Variants in STAC observed in about 807,000 individuals in gnomAD.
STAC encodes the protein SH3 and cysteine rich domain, also known as SH3 and cysteine-rich domain-containing protein.
In STAC, 43 loss-of-function variants were observed where a neutral mutation model predicts 48.8. The ratio of observed to expected loss-of-function variants is 0.88; its 90% confidence interval spans 0.69 to 1.14. The LOEUF is 1.14. Among genes scored for constraint, STAC ranks in the 50% most tolerant of loss-of-function variants. The pLI is 0.00. For missense variants in STAC, 497 were observed against 504.0 expected (o/e 0.99, Z 0.13); for synonymous variants, 193 against 179.5 (o/e 1.07, Z -0.60).
At chr3:36,536,895 A>T (rs896612528) in intron 10 of STAC, among the ~76,000 whole-genome samples, 5 of 152,162 alleles carry the variant, frequency 3.3e-5, no homozygotes, top group Admixed American at 6.5e-5. Flanking sequence ...AAGGACAAGA[A>T]CAGACACTTC....
intron 1 of STAC, among the ~76,000 whole-genome samples, chr3:36,394,880 C>T (rs1266613807): frequency 2.4e-5 from 3 of 126,518 alleles, no homozygotes; most frequent in Non-Finnish European, 5.1e-5. Context: ...AAAATTCTGT[C>T]AAAAAAAAAA....
intron 1 of STAC, among the ~76,000 whole-genome samples, chr3:36,430,046 C>T (rs1010352073): frequency 2.0e-5 from 3 of 152,096 alleles, no homozygotes; most frequent in African/African-American, 7.2e-5. Flanking sequence ...TCTTCTAGGC[C>T]AGAACATTGT....
At chr3:36,463,803 T>C (rs1423698320) in intron 2 of STAC, among the ~76,000 whole-genome samples, 1 of 151,916 alleles carries the variant, frequency 6.6e-6, no homozygotes, top group African/African-American at 2.4e-5. Flanking sequence ...CTGAGAATGA[T>C]GGTTTCCAGC....
At chr3:36,381,683 A>G (rs1668590694) in intron 1 of STAC, among the ~76,000 whole-genome samples, 1 of 152,156 alleles carries the variant, frequency 6.6e-6, no homozygotes, top group South Asian at 2.1e-4. Flanking sequence ...CAGATGGGGC[A>G]AGGAAGACTG....
At chr3:36,433,064 T>C (rs1306869554) in intron 1 of STAC, among the ~76,000 whole-genome samples, 1 of 151,940 alleles carries the variant, frequency 6.6e-6, no homozygotes, top group Non-Finnish European at 1.5e-5. Flanking sequence ...GTAGGAAGGG[T>C]GATAACATAT....
intron 1 of STAC, among the ~76,000 whole-genome samples, chr3:36,387,308 T>C (rs2125612868): frequency 6.6e-6 from 1 of 152,174 alleles, no homozygotes; most frequent in African/African-American, 2.4e-5. Context: ...AGGTTTTTCT[T>C]GACTGTGGTA....
At chr3:36,544,583 TC>T (rs1180745063) in intron 10 of STAC, among the ~76,000 whole-genome samples, 2 of 152,192 alleles carry the variant, frequency 1.3e-5, no homozygotes, top group African/African-American at 4.8e-5. Context: ...TGTTTTGTGC[TC>T]CCTTTGTATC....
chr3:36,546,346 A>C lies in STAC; in HGVS notation c.*57A>C. On this transcript the variant is annotated 3_prime_UTR_variant, in exon 11 of 11. Coordinates refer to ENST00000273183, the MANE Select transcript of STAC (RefSeq NM_003149.3). ...AGCTCTGCTGCGATGCCTCTGCCTC[A>C]TCTCACACTGCGTCAACCCAAAGGA... 1 of 1,473,526 alleles carries C rather than the reference A, an allele frequency of 6.8e-7. No individual in the cohort carries two copies. Among genetic ancestry groups the C allele is most frequent in the South Asian group, 1.1e-5 (1 of 88,234 alleles). 91.3% of individuals were successfully genotyped at this position (1,473,526 alleles called of 1,614,324 possible).
chr3:36,478,342 A>G (rs929811076), intron 2 of STAC, among the ~76,000 whole-genome samples: 7 of 152,316 alleles, frequency 4.6e-5, no homozygotes, highest in Non-Finnish European at 8.8e-5. Context: ...ATTTCTTACA[A>G]TCTTAAACAT....
rs10528748 is a variant in STAC at position 36,442,739 on chromosome 3, T to TACAC, written c.112-565_112-562dup. On this transcript the variant is annotated intron_variant, in intron 1 of 10. Coordinates refer to ENST00000273183, the MANE Select transcript of STAC (RefSeq NM_003149.3). ...GGATAATACAATATGTCCTATGTCC[T>TACAC]ACACACACACACACACACACACACA... 3.0e-3 allele frequency among the ~76,000 whole-genome samples: 395 copies of TACAC among 133,450 alleles called. 5 individuals carry two copies. The highest frequency in any genetic ancestry group is 0.015 in the East Asian group (51 of 3,484). 87.5% of individuals were successfully genotyped at this position (133,450 alleles called of 152,430 possible).
intron 1 of STAC, among the ~76,000 whole-genome samples, chr3:36,420,465 A>C (rs1373438614): frequency 6.6e-6 from 1 of 152,204 alleles, no homozygotes; most frequent in Non-Finnish European, 1.5e-5. Context: ...ACACAGCAGG[A>C]GGTGAGTGGC....
chr3:36,513,556 G>T (rs746098360), intron 8 of STAC, among the ~76,000 whole-genome samples: 4 of 152,122 alleles, frequency 2.6e-5, no homozygotes, highest in Non-Finnish European at 5.9e-5. Flanking sequence ...TAACAGTACA[G>T]TGTTCTGGGC....
At chr3:36,473,139 C>G (rs564318155) in intron 2 of STAC, among the ~76,000 whole-genome samples, 3 of 152,286 alleles carry the variant, frequency 2.0e-5, no homozygotes, top group South Asian at 4.1e-4. Context: ...AAAGCAGAAA[C>G]CCCTGATAAA....
rs190052289 is a variant in STAC, at chr3:36,493,608, A to T, written c.766+379A>T. 2.0e-3 allele frequency among the ~76,000 whole-genome samples: 309 copies of T among 152,098 alleles called. 2 individuals carry two copies. The highest frequency in any genetic ancestry group is 3.7e-3 in the Non-Finnish European group (253 of 68,000). Reference sequence around the variant, plus strand: ...ACATTAGCAAACCGTACCACAGAGAAGCTAATTTGTGCTACACCTTAGGTA... The same window carrying T: ...ACATTAGCAAACCGTACCACAGAGATGCTAATTTGTGCTACACCTTAGGTA... On this transcript the variant is annotated intron_variant, in intron 6 of 10. Transcript: ENST00000273183.
intron 6 of STAC, among the ~76,000 whole-genome samples, chr3:36,493,871 C>A (rs1698060766): frequency 6.6e-6 from 1 of 151,784 alleles, no homozygotes; most frequent in Non-Finnish European, 1.5e-5. Context: ...CCACCTCTGG[C>A]CGGGCGCGGT....
In STAC at chr3:36,380,525, G is replaced by C; in HGVS notation, c.-119G>C. 1 of 738,680 alleles carries C rather than the reference G, an allele frequency of 1.4e-6. No homozygotes were observed. Among genetic ancestry groups the C allele is most frequent in the Non-Finnish European group, 2.2e-6 (1 of 445,966 alleles). The allele number at this position is 738,680 out of a possible 1,614,324, so 45.8% of individuals were successfully genotyped here. On this transcript the variant is annotated 5_prime_UTR_variant, in exon 1 of 11. Coordinates refer to ENST00000273183, the MANE Select transcript of STAC (RefSeq NM_003149.3). The stretch of plus-strand genomic sequence containing the variant: ...TGGAGGAGGGCACGTCGGCGCCTCG[G>C]CGAGGATGGGAGTCCCCAGGACCCG...
At chr3:36,408,673 T>C (rs901470666) in intron 1 of STAC, among the ~76,000 whole-genome samples, 2 of 152,174 alleles carry the variant, frequency 1.3e-5, no homozygotes, top group African/African-American at 4.8e-5. Flanking sequence ...TTCTGAATAG[T>C]TGCAAACAGG....
intron 2 of STAC, among the ~76,000 whole-genome samples, chr3:36,450,017 A>G (rs1202505794): frequency 7.3e-6 from 1 of 136,570 alleles, no homozygotes; most frequent in Non-Finnish European, 1.7e-5. Flanking sequence ...TTCCTACTCT[A>G]TCTTTCTATC....
intron 6 of STAC, among the ~76,000 whole-genome samples, chr3:36,499,871 A>G (rs1258371397): frequency 2.0e-5 from 3 of 152,132 alleles, no homozygotes; most frequent in Non-Finnish European, 4.4e-5. Flanking sequence ...AAGCAAAAAA[A>G]AATATATAGC....
Sources: gnomAD v4.1 joint callset for allele counts (sites outside exome capture counted in the v4.1 genomes callset) on GRCh38, gnomAD v4.1.1 for gene constraint, MANE v1.5 for transcripts, NCBI Gene and HGNC (gene_info 2026-07-23, HGNC 2026-07-21) for gene names.